IKZF1: variants seen among roughly 807,000 people sequenced by gnomAD.
IKZF1 encodes the protein IKAROS family zinc finger 1.
IKZF1 carries 10 observed loss-of-function variants against 51.7 expected under a neutral mutation model. The ratio of observed to expected loss-of-function variants is 0.19; its 90% CI spans 0.12 to 0.33. The LOEUF (loss-of-function observed/expected upper bound fraction) is 0.33, where lower values mean the gene tolerates loss of function less well. Among genes scored for constraint, IKZF1 ranks in the 10% least tolerant of loss-of-function variants. The pLI, the probability that IKZF1 is intolerant of heterozygous loss-of-function variation, is 1.00. For synonymous variants in IKZF1, 280 were observed against 282.3 expected (o/e 0.99, Z 0.08); for missense variants, 484 against 707.5 (o/e 0.68, Z 3.58).
intron 2 of IKZF1, among the ~76,000 whole-genome samples, chr7:50,327,081 C>T (rs1289023560): frequency 6.6e-6 from 1 of 151,986 alleles, no homozygotes; most frequent in African/African-American, 2.4e-5. Context: ...AATATAGATG[C>T]CTTTTATGCA....
At chr7:50,308,449 C>T (rs1789341971) in intron 1 of IKZF1, among the ~76,000 whole-genome samples, 1 of 152,202 alleles carries the variant, frequency 6.6e-6, no homozygotes, top group Non-Finnish European at 1.5e-5. Flanking sequence ...GTGTGGGGGC[C>T]ATTTGTCTTG....
chr7:50,303,586 C>T (rs187871869), upstream of IKZF1, among the ~76,000 whole-genome samples: 95 of 152,264 alleles, frequency 6.2e-4, no homozygotes, highest in African/African-American at 2.2e-3. This position sits in a 1 kb window ranked among gnomAD's most constrained non-coding sequence, Gnocchi z 4.7. Context: ...CTTCCCCTCC[C>T]TTGCGGAGGA....
At chr7:50,345,127 T>A (rs1800032222) in intron 3 of IKZF1, among the ~76,000 whole-genome samples, 1 of 152,034 alleles carries the variant, frequency 6.6e-6, no homozygotes, top group African/African-American at 2.4e-5. Context: ...TCTGGTCTTC[T>A]CCCAGCCCAT....
intron 3 of IKZF1, among the ~76,000 whole-genome samples, chr7:50,338,953 T>C (rs908021066): frequency 6.6e-6 from 1 of 152,344 alleles, no homozygotes; most frequent in South Asian, 2.1e-4. Flanking sequence ...GAAAGCATGC[T>C]CCGGTGAGCA....
chr7:50,395,489 G>T (rs1467730775), intron 7 of IKZF1, among the ~76,000 whole-genome samples: 1 of 152,042 alleles, frequency 6.6e-6, no homozygotes, highest in South Asian at 2.1e-4. Flanking sequence ...AGCATCTACT[G>T]GCTCACTGCT....
chr7:50,330,815 G>A (rs1172352925), intron 3 of IKZF1, among the ~76,000 whole-genome samples: 2 of 152,188 alleles, frequency 1.3e-5, no homozygotes, highest in Non-Finnish European at 2.9e-5. Context: ...GTGCACAGCA[G>A]GAAATGAAAA....
chr7:50,370,976 G>A (rs1808487737), intron 3 of IKZF1, among the ~76,000 whole-genome samples: 1 of 152,198 alleles, frequency 6.6e-6, no homozygotes, highest in Non-Finnish European at 1.5e-5. Context: ...GGAACTCACA[G>A]AAGGGCACGG....
intron 3 of IKZF1, among the ~76,000 whole-genome samples, chr7:50,346,672 T>C (rs1800450736): frequency 6.6e-6 from 1 of 152,130 alleles, no homozygotes; most frequent in Admixed American, 6.5e-5. Context: ...GAAAAAGAAA[T>C]CCCATCCCCT....
At chr7:50,348,171 C>T (rs935828041) in intron 3 of IKZF1, among the ~76,000 whole-genome samples, 1 of 152,118 alleles carries the variant, frequency 6.6e-6, no homozygotes, top group African/African-American at 2.4e-5. Context: ...CTTTGATATC[C>T]CATCAGTCAG....
intron 3 of IKZF1, among the ~76,000 whole-genome samples, chr7:50,342,291 A>G (rs1283107993): frequency 1.1e-4 from 17 of 152,390 alleles, no homozygotes; most frequent in Non-Finnish European, 2.1e-4. Flanking sequence ...ACATGTGAAC[A>G]TGTCAAACAA....
intron 3 of IKZF1, chr7:50,369,665 CTT>C (rs372847839): frequency 4.8e-5 from 19 of 398,156 alleles, no homozygotes; most frequent in African/African-American, 3.5e-4. Context: ...CTCAACACCT[CTT>C]TTCTTCTTGA....
intron 3 of IKZF1, among the ~76,000 whole-genome samples, chr7:50,353,871 G>C (rs114130716): frequency 0.011 from 1,700 of 152,164 alleles, 37 homozygotes; most frequent in African/African-American, 0.039. Flanking sequence ...CTGTTGTCCC[G>C]GGTCCCCCTG....
chr7:50,316,726 G>A (rs1791653400), intron 1 of IKZF1, among the ~76,000 whole-genome samples: 1 of 152,242 alleles, frequency 6.6e-6, no homozygotes, highest in Non-Finnish European at 1.5e-5. Context: ...GGACGAGTGT[G>A]TCCAGAGGAC....
intron 1 of IKZF1, among the ~76,000 whole-genome samples, chr7:50,315,088 G>A (rs999426057): frequency 1.3e-5 from 2 of 152,216 alleles, no homozygotes; most frequent in Non-Finnish European, 2.9e-5. Context: ...CTCCTAGTCC[G>A]GCTTCTGCTC....
chr7:50,335,518 GGT>G (rs1797519372), intron 3 of IKZF1, among the ~76,000 whole-genome samples: 2 of 135,642 alleles, frequency 1.5e-5, no homozygotes, highest in African/African-American at 5.7e-5. Flanking sequence ...TGGGATGTGT[GGT>G]GTGTGGTGCA....
intron 3 of IKZF1, chr7:50,367,594 GC>G (rs1285198017): frequency 6.4e-6 from 1 of 156,820 alleles, no homozygotes; most frequent in Non-Finnish European, 1.4e-5. Flanking sequence ...AAGAACATTT[GC>G]GATGCAATCA....
rs529843036 is a variant in IKZF1 at position 50,343,129 on chromosome 7, C to T, written c.160+15372C>T. ...TCTTTTTTTCTTTCCTCCCTCCCTC[C>T]CTTTCTTTCTTCCTTCCTTTCTTTC... On this transcript the variant is annotated intron_variant, in intron 3 of 7. Transcript: ENST00000331340. Among the ~76,000 whole-genome samples, 134 of 137,986 alleles carry T rather than the reference C, an allele frequency of 9.7e-4. 1 individual carries two copies. The Middle Eastern group carries it at 0.014, about 15-fold the overall frequency. 90.5% of individuals were successfully genotyped at this position (137,986 alleles called of 152,430 possible). A position where few individuals can be genotyped will look rare whatever the true frequency, so the allele number is the denominator to read the frequency against.
At chr7:50,305,798 T>G (rs1788634069) in intron 1 of IKZF1, among the ~76,000 whole-genome samples, 1 of 152,240 alleles carries the variant, frequency 6.6e-6, no homozygotes, top group East Asian at 1.9e-4. Context: ...CCCATCAACT[T>G]CTGTTAAAAG....
At chr7:50,330,489 A>T (rs1796219510) in intron 3 of IKZF1, among the ~76,000 whole-genome samples, 1 of 152,174 alleles carries the variant, frequency 6.6e-6, no homozygotes, top group Admixed American at 6.5e-5. Context: ...GCTTGAGAAG[A>T]GGAAGTGAAG....
Sources: gnomAD v4.1 joint callset for allele counts (sites outside exome capture counted in the v4.1 genomes callset) on GRCh38, gnomAD v4.1.1 for gene constraint, Gnocchi (gnomAD v3.1) non-coding constraint, MANE v1.5 for transcripts, NCBI Gene and HGNC (gene_info 2026-07-23, HGNC 2026-07-21) for gene names.